IL1RAPL2: variants seen among roughly 807,000 people sequenced by gnomAD.
IL1RAPL2 encodes interleukin 1 receptor accessory protein like 2, also known as X-linked interleukin-1 receptor accessory protein-like 2.
IL1RAPL2 carries 3 observed loss-of-function variants against 44.1 expected under a neutral mutation model. That is an observed-to-expected ratio of 0.07 (90% CI 0.03 to 0.18). The LOEUF is 0.18. Ranked by LOEUF, IL1RAPL2 falls within the 10% of genes least tolerant of loss-of-function variation. The pLI is 1.00. For synonymous variants in IL1RAPL2, 181 were observed against 178.8 expected, an observed-to-expected ratio of 1.01 and a Z score of -0.10; for missense variants, 391 against 496.4, an observed-to-expected ratio of 0.79 and a Z score of 2.02.
chrX:105,721,992 A>T (rs1343862342), intron 7 of IL1RAPL2, among the ~76,000 whole-genome samples: 1 of 111,993 alleles, frequency 8.9e-6, no homozygotes, highest in East Asian at 2.8e-4. Context: ...TATAGTCAGG[A>T]GTTGCCTAAT....
chrX:105,584,238 C>G (rs2037110503), intron 6 of IL1RAPL2, among the ~76,000 whole-genome samples: 1 of 111,578 alleles, frequency 9.0e-6, no homozygotes, highest in East Asian at 2.8e-4. Context: ...TTGTCTATCT[C>G]TCTTTTCCAT....
In IL1RAPL2 at chrX:105,489,578, A is replaced by G. The variant is rs184870806; in HGVS notation, c.772+5191A>G. 2.5e-3 allele frequency among the ~76,000 whole-genome samples: 280 copies of G among 111,484 alleles called. 1 individual carries two copies. Among genetic ancestry groups the G allele is most frequent in the African/African-American group, 8.8e-3 (272 of 30,824 alleles). Reference sequence around the variant, plus strand: ...TTGCATGAAAGATTTGAGATCTGCTATCTAATTTTAATTAAAGGTGAGTTT... The same window carrying G: ...TTGCATGAAAGATTTGAGATCTGCTGTCTAATTTTAATTAAAGGTGAGTTT... On this transcript the variant is annotated intron_variant, in intron 6 of 10. Coordinates refer to ENST00000372582, the MANE Select transcript of IL1RAPL2 (RefSeq NM_017416.2).
chrX:104,590,560 C>A (rs1928646884), intron 1 of IL1RAPL2, among the ~76,000 whole-genome samples: 1 of 111,697 alleles, frequency 9.0e-6, no homozygotes, highest in Non-Finnish European at 1.9e-5. Flanking sequence ...ACCAACAACA[C>A]TCAGGAAAGA....
At chrX:105,523,262 T>C (rs1410582573) in intron 6 of IL1RAPL2, among the ~76,000 whole-genome samples, 1 of 111,855 alleles carries the variant, frequency 8.9e-6, no homozygotes, top group Non-Finnish European at 1.9e-5. Context: ...TTGCAAGTTC[T>C]GTTAGTGTGT....
At chrX:105,468,136 G>T (rs1404862590) in intron 5 of IL1RAPL2, among the ~76,000 whole-genome samples, 1 of 111,704 alleles carries the variant, frequency 9.0e-6, no homozygotes, top group Non-Finnish European at 1.9e-5. Flanking sequence ...TAAGGATCTG[G>T]GTTCCTTCAT....
At chrX:104,590,904 C>T (rs1242359292) in intron 1 of IL1RAPL2, among the ~76,000 whole-genome samples, 3 of 111,726 alleles carry the variant, frequency 2.7e-5, no homozygotes, top group Non-Finnish European at 5.6e-5. Flanking sequence ...TCCTTTAATC[C>T]CACTGAGTGT....
intron 5 of IL1RAPL2, among the ~76,000 whole-genome samples, chrX:105,453,683 A>C (rs761010136): frequency 8.9e-6 from 1 of 111,743 alleles, no homozygotes; most frequent in African/African-American, 3.3e-5. Context: ...CATTCTCCCA[A>C]TTCCCTTCCT....
At chrX:105,219,674 C>A in intron 3 of IL1RAPL2, 2 of 1,210,267 alleles carry the variant, frequency 1.7e-6, no homozygotes, top group Non-Finnish European at 1.1e-6. Flanking sequence ...TCCTCCTCAG[C>A]TGCTCCTTCT....
intron 1 of IL1RAPL2, among the ~76,000 whole-genome samples, 158 bp from the exon 2 acceptor site, chrX:104,658,737 T>C (rs1190826509): frequency 8.9e-6 from 1 of 112,869 alleles, no homozygotes; most frequent in Admixed American, 9.3e-5. Flanking sequence ...AACTGTGAAC[T>C]TTCATGTTTT....
intron 2 of IL1RAPL2, among the ~76,000 whole-genome samples, chrX:104,841,304 T>C (rs1304375332): frequency 1.8e-5 from 2 of 111,905 alleles, no homozygotes; most frequent in Non-Finnish European, 3.8e-5. Context: ...ATGTGTCTCC[T>C]GAATACAGAA....
chrX:105,648,100 A>C (rs773225339), intron 6 of IL1RAPL2, among the ~76,000 whole-genome samples: 1 of 112,022 alleles, frequency 8.9e-6, no homozygotes, highest in Non-Finnish European at 1.9e-5. Context: ...CAAAATCTCA[A>C]TAACATGGTA....
chrX:104,692,519 A>T (rs1489570351), intron 2 of IL1RAPL2, among the ~76,000 whole-genome samples: 1 of 107,305 alleles, frequency 9.3e-6, no homozygotes, highest in African/African-American at 3.4e-5. Flanking sequence ...ACCCCACGAC[A>T]GGCCCTGGTG....
chrX:105,390,016 T>A lies in IL1RAPL2; in HGVS notation c.698-94297T>A, dbSNP rs189378082. On this transcript the variant is annotated intron_variant, in intron 5 of 10. Transcript: ENST00000372582. ...CTTTGAACATACTGATGTGTGTTCC[T>A]CTGCAGGGATTACTTAAAAAATAAA... is the stretch of plus-strand genomic sequence containing the variant. Among the ~76,000 whole-genome samples, 20 of 111,276 alleles carry A rather than the reference T, an allele frequency of 1.8e-4. 1 individual carries two copies. The East Asian group carries it at 5.1e-3, about 29-fold the overall frequency.
intron 6 of IL1RAPL2, among the ~76,000 whole-genome samples, chrX:105,560,136 C>CTA (rs745354780): frequency 1.2e-4 from 13 of 111,781 alleles, no homozygotes; most frequent in Non-Finnish European, 2.4e-4. Flanking sequence ...CCCAACTTGC[C>CTA]TGAACTCTAG....
At chrX:105,372,149 T>C (rs1004418417) in intron 5 of IL1RAPL2, among the ~76,000 whole-genome samples, 3 of 111,336 alleles carry the variant, frequency 2.7e-5, no homozygotes, top group Non-Finnish European at 5.7e-5. Flanking sequence ...TAAAAAGGTC[T>C]TTTAGGTTAG....
intron 2 of IL1RAPL2, among the ~76,000 whole-genome samples, chrX:105,077,184 G>A (rs1312928594): frequency 1.8e-5 from 2 of 111,639 alleles, no homozygotes. Flanking sequence ...GCTGGTACCG[G>A]TTGTTCCTTT....
intron 2 of IL1RAPL2, among the ~76,000 whole-genome samples, chrX:104,886,693 CCTT>C (rs1286537180): frequency 5.4e-5 from 6 of 112,049 alleles, no homozygotes; most frequent in African/African-American, 1.6e-4. Flanking sequence ...CTCAAGGATG[CCTT>C]CTTCTGTATT....
intron 2 of IL1RAPL2, among the ~76,000 whole-genome samples, chrX:105,044,667 C>T (rs950154056): frequency 9.0e-6 from 1 of 111,520 alleles, no homozygotes; most frequent in African/African-American, 3.3e-5. Context: ...AAACAAGTGA[C>T]CTTATGAAAT....
chrX:105,146,283 C>G (rs143689960), intron 2 of IL1RAPL2, among the ~76,000 whole-genome samples: 25 of 111,366 alleles, frequency 2.2e-4, no homozygotes, highest in African/African-American at 7.8e-4. Flanking sequence ...CCATATTCTT[C>G]TGGCTCTAAA....
Sources: allele counts gnomAD v4.1 joint callset (sites outside exome capture counted in the v4.1 genomes callset), GRCh38; gene constraint gnomAD v4.1.1; transcripts MANE v1.5; gene names NCBI Gene and HGNC (gene_info 2026-07-23, HGNC 2026-07-21).